ABCC5: variants seen among roughly 807,000 people sequenced by gnomAD.
ABCC5 encodes ATP-binding cassette sub-family C member 5.
In ABCC5, 61 loss-of-function variants were observed where a neutral mutation model predicts 160.9. That is an observed-to-expected ratio of 0.38 (90% CI 0.31 to 0.47). The LOEUF (loss-of-function observed/expected upper bound fraction) is 0.47, where lower values mean the gene tolerates loss of function less well. Ranked by LOEUF, ABCC5 falls within the 20% of genes least tolerant of loss-of-function variation. The pLI, the probability that ABCC5 is intolerant of heterozygous loss-of-function variation, is 0.99. For missense variants in ABCC5, 1,308 were observed against 1,813.3 expected (o/e 0.72, Z 5.06); for synonymous variants, 666 against 700.6 (o/e 0.95, Z 0.78).
In ABCC5 at chr3:183,963,561, C is replaced by T. The variant is rs1346258741; in HGVS notation, c.2059G>A (p.Gly687Ser). 14 of 1,613,972 alleles carry T rather than the reference C, an allele frequency of 8.7e-6. No individual in the cohort carries two copies. The highest frequency in any genetic ancestry group is 1.7e-4 in the Middle Eastern group (1 of 5,974). Residue 687 changes from glycine (G) to serine (S), a missense_variant, in exon 15 of 30, where the codon GGT (glycine) becomes AGT (serine). Physicochemically the swap from Gly to Ser is moderately conservative, Grantham distance 56. Transcript: ENST00000334444. The surrounding 1 kb of genome is among the most constrained non-coding windows in gnomAD (Gnocchi z 4.6). ...AGGCTGATCCTCTGGCGCTGCCCAC[C>T]GCTCAGGTTGGCTCCTCGCTCTCCA... Reference protein sequence around the residue: ...EIGERGANLSGGQRQRISLAR... With the variant: ...EIGERGANLSSGQRQRISLAR...
intron 7 of ABCC5, 24 bp from the exon 8 acceptor site, chr3:183,981,898 C>A (rs1718778154): frequency 6.3e-7 from 1 of 1,579,894 alleles, no homozygotes; most frequent in African/African-American, 1.4e-5. Context: ...CGATGCCACG[C>A]CAAATTAAAG....
rs369474568 is a variant in ABCC5 at position 183,989,215 on chromosome 3, C to A, written c.287+11G>T. 4 of 1,591,386 alleles carry A rather than the reference C, an allele frequency of 2.5e-6. 1 individual carries two copies. The East Asian group carries it at 6.8e-5, about 27-fold the overall frequency. On this transcript the variant is annotated intron_variant, in intron 3 of 29. Coordinates refer to ENST00000334444, the MANE Select transcript of ABCC5 (RefSeq NM_005688.4). The stretch of plus-strand genomic sequence containing the variant: ...GATGCTTCACTGTCATCACTCAGCA[C>A]GGCATCTTACTTGGAAGTAGTCCGG...
chr3:183,983,404 C>T (rs528710654), intron 5 of ABCC5: 2 of 223,772 alleles, frequency 8.9e-6, no homozygotes, highest in Admixed American at 5.1e-5. Flanking sequence ...TTCAAACGTG[C>T]TTATTTGATA....
At position 183,949,757 on chromosome 3, in the gene ABCC5, G is replaced by A. The variant is rs762111864; in HGVS notation, c.3223C>T (p.His1075Tyr). 6.2e-7 allele frequency: 1 copy of A among 1,614,082 alleles called. No homozygotes were observed. ...CTAGCCCCCATCAGGACAAACCTGT[G>A]CAGAAACTCCTGCCCTTTATTGTAG... ...HAYNKGQEFL[H>Y]RYQELLDDNQ... The change falls in exon 22 of 30, where the codon CAC becomes TAC. Residue 1075 changes from histidine (H) to tyrosine (Y), a missense_variant. His to Tyr is a moderately conservative substitution (Grantham distance 83). Around this residue, in one of 3 missense-constraint regions of ABCC5, gnomAD observed 1,142 missense variants for 1,527.1 expected, o/e 0.75. Transcript: ENST00000334444. The surrounding 1 kb of genome is among the most constrained non-coding windows in gnomAD (Gnocchi z 4.2).
chr3:183,998,181 A>G (rs1056850006), intron 2 of ABCC5, among the ~76,000 whole-genome samples: 2 of 152,144 alleles, frequency 1.3e-5, no homozygotes, highest in Non-Finnish European at 2.9e-5. Context: ...GGGTTACAGG[A>G]TTAAAAAAAT....
intron 2 of ABCC5, among the ~76,000 whole-genome samples, chr3:184,000,435 A>G (rs1485182594): frequency 6.6e-6 from 1 of 152,160 alleles, no homozygotes; most frequent in African/African-American, 2.4e-5. Context: ...GAAAAAGTAA[A>G]ATACAGTATT....
intron 16 of ABCC5, 151 bp from the exon 17 acceptor site, chr3:183,959,986 G>A (rs1484314021): frequency 9.0e-6 from 5 of 557,496 alleles, no homozygotes; most frequent in South Asian, 2.7e-5. Context: ...CTCATTTCTT[G>A]TACTTCCTCA....
At position 183,921,405 on chromosome 3, in the gene ABCC5, C is replaced by T. The variant is rs1553910550; in HGVS notation, c.4213-4G>A. ...ATGGGGTGTCAAACTCCACCACCTG[C>T]AAAAGAAGGAGACGCCGTCAGGACA... On this transcript the variant is annotated splice_region_variant and splice_polypyrimidine_tract_variant and intron_variant, in intron 29 of 29. Transcript: ENST00000334444. The surrounding 1 kb of genome is among the most constrained non-coding windows in gnomAD (Gnocchi z 4.1). 1.5e-5 allele frequency: 24 copies of T among 1,611,400 alleles called. No homozygotes were observed. The South Asian group carries it at 2.6e-4, about 18-fold the overall frequency.
chr3:184,013,316 C>T (rs541945201), intron 2 of ABCC5, among the ~76,000 whole-genome samples: 3 of 152,156 alleles, frequency 2.0e-5, no homozygotes, highest in East Asian at 1.9e-4. Context: ...AGTGCAGTGG[C>T]GTGATCTTGG....
rs1716351829 is a variant in ABCC5, at chr3:183,957,985, TCA to T, written c.2482+1746_2482+1747del. On this transcript the variant is annotated intron_variant, in intron 17 of 29. Coordinates refer to ENST00000334444, the MANE Select transcript of ABCC5 (RefSeq NM_005688.4). ...GGTTACATGCGGATCCGTGTGTACATCACATCGGTTACATGCAGATCCGTGTG... is the reference window on the plus strand; with the variant it reads ...GGTTACATGCGGATCCGTGTGTACATCATCGGTTACATGCAGATCCGTGTG... Among the ~76,000 whole-genome samples the T allele has an allele frequency of 3.8e-5, 4 of 105,308 alleles. No homozygotes were observed. In the South Asian group the frequency reaches 1.1e-3, roughly 30 times the overall value. The allele number at this position is 105,308 out of a possible 152,430, so 69.1% of individuals were successfully genotyped here.
chr3:184,015,512 C>A (rs971185166), intron 1 of ABCC5, among the ~76,000 whole-genome samples: 1 of 152,122 alleles, frequency 6.6e-6, no homozygotes, highest in Non-Finnish European at 1.5e-5. Flanking sequence ...AAATTCTAAC[C>A]ATTATAATGC....
Position 183,963,379 on chromosome 3 carries a change from C to G in ABCC5, c.2235+6G>C. The G allele has an allele frequency of 6.2e-7, 1 of 1,614,214 alleles. No homozygotes were observed. Among genetic ancestry groups the G allele is most frequent in the Non-Finnish European group, 8.5e-7 (1 of 1,180,010 alleles). On this transcript the variant is annotated splice_donor_region_variant and intron_variant, in intron 15 of 29. Coordinates refer to ENST00000334444, the MANE Select transcript of ABCC5 (RefSeq NM_005688.4). This position sits in a 1 kb window ranked among gnomAD's most constrained non-coding sequence, Gnocchi z 4.6. ...GGCAGGCAGCCGAGGGAAGAAAGAA[C>G]CATACCTGTAACTGGTGGGTAACAA...
At chr3:183,941,786 C>T (rs997846222) in intron 25 of ABCC5, among the ~76,000 whole-genome samples, 1 of 151,786 alleles carries the variant, frequency 6.6e-6, no homozygotes, top group Non-Finnish European at 1.5e-5. Flanking sequence ...AAATCGAGAC[C>T]GTCCTGGCCA....
At chr3:183,954,918 T>C in intron 17 of ABCC5, among the ~76,000 whole-genome samples, 1 of 152,144 alleles carries the variant, frequency 6.6e-6, no homozygotes. Flanking sequence ...TGGGGCAACA[T>C]GGGGCAGGGA....
At chr3:183,991,969 A>G (rs1310630464) in intron 2 of ABCC5, among the ~76,000 whole-genome samples, 1 of 152,210 alleles carries the variant, frequency 6.6e-6, no homozygotes, top group Non-Finnish European at 1.5e-5. Context: ...TGTTACAGGG[A>G]CCAGCCTTAT....
chr3:184,016,774 A>T (rs1357743377), intron 1 of ABCC5, among the ~76,000 whole-genome samples: 1 of 152,200 alleles, frequency 6.6e-6, no homozygotes, highest in Non-Finnish European at 1.5e-5. Context: ...GGTTGAGGCC[A>T]CTTAGTCAGC....
chr3:183,977,763 T>A, intron 9 of ABCC5, 139 bp from the exon 10 acceptor site: 1 of 616,550 alleles, frequency 1.6e-6, no homozygotes, highest in East Asian at 3.0e-5. Flanking sequence ...TTACATTTTT[T>A]TTTTTTTGAG....
At chr3:183,969,168 C>T (rs1717506238) in intron 11 of ABCC5, among the ~76,000 whole-genome samples, 2 of 152,200 alleles carry the variant, frequency 1.3e-5, no homozygotes, top group African/African-American at 4.8e-5. Context: ...ACCTCCCCTT[C>T]TCTTCCCTAA....
intron 5 of ABCC5, 50 bp from the exon 6 acceptor site, chr3:183,983,057 A>G (rs759499741): frequency 1.6e-5 from 24 of 1,475,220 alleles, no homozygotes; most frequent in Non-Finnish European, 2.3e-5. Flanking sequence ...GCACTCACAC[A>G]CAATGCCATA....
Sources: gnomAD v4.1 joint callset for allele counts (sites outside exome capture counted in the v4.1 genomes callset) on GRCh38, gnomAD v4.1.1 for gene constraint, gnomAD v4.1.1 regional missense constraint, Gnocchi (gnomAD v3.1) non-coding constraint, MANE v1.5 for transcripts, NCBI Gene and HGNC (gene_info 2026-07-23, HGNC 2026-07-21) for gene names.